Variants in RBFOX3 observed in about 807,000 individuals in gnomAD.
RBFOX3 encodes RNA binding fox-1 homolog 3, also known as RNA binding protein fox-1 homolog 3.
Under a neutral mutation model 48.7 loss-of-function variants are expected in RBFOX3, and 17 were observed. The ratio of observed to expected loss-of-function variants is 0.35; its 90% CI spans 0.24 to 0.52. RBFOX3 has a LOEUF of 0.52. RBFOX3 is among the 20% of genes least tolerant of loss of function. The pLI is 0.94. For missense variants in RBFOX3, 382 were observed against 497.5 expected (o/e 0.77, Z 2.21); for synonymous variants, 212 against 209.5 (o/e 1.01, Z -0.10).
chr17:79,391,483 T>C lies in RBFOX3; in HGVS notation c.-174-83659A>G, dbSNP rs1193389376. On this transcript the variant is annotated intron_variant, in intron 2 of 14. Transcript: ENST00000693108. The surrounding 1 kb of genome is among the most constrained non-coding windows in gnomAD (Gnocchi z 5.0). ...CATAACATCTTCCTGAATTATTATC[T>C]AAAATGTCAAGTTCATGACTTGTCC... is the stretch of plus-strand genomic sequence containing the variant. 6.6e-6 allele frequency among the ~76,000 whole-genome samples: 1 copy of C among 152,210 alleles called. No individual in the cohort carries two copies. Among genetic ancestry groups the C allele is most frequent in the Non-Finnish European group, 1.5e-5 (1 of 68,048 alleles).
intron 2 of RBFOX3, among the ~76,000 whole-genome samples, chr17:79,450,093 C>T (rs2073185234): frequency 6.6e-6 from 1 of 152,196 alleles, no homozygotes; most frequent in Non-Finnish European, 1.5e-5. Context: ...GACATACACA[C>T]ACACACATGC....
the RBFOX3 span, among the ~76,000 whole-genome samples, chr17:79,620,125 A>G: frequency 9.2e-4 from 135 of 146,948 alleles, no homozygotes; most frequent in East Asian, 0.015. Context: ...ATGCACACAT[A>G]CACACATGCA....
chr17:79,460,949 T>C (rs1003750439), intron 2 of RBFOX3, among the ~76,000 whole-genome samples: 1 of 152,194 alleles, frequency 6.6e-6, no homozygotes, highest in African/African-American at 2.4e-5. Context: ...TCTTTTTTTT[T>C]AAACCTCCAT....
chr17:79,291,832 G>A (rs981319391), intron 3 of RBFOX3, among the ~76,000 whole-genome samples: 4 of 152,194 alleles, frequency 2.6e-5, no homozygotes, highest in African/African-American at 7.2e-5. Flanking sequence ...GAGCAAGCAA[G>A]GGAACTACCT....
chr17:79,440,643 G>A (rs1046192388), intron 2 of RBFOX3, among the ~76,000 whole-genome samples: 1 of 152,146 alleles, frequency 6.6e-6, no homozygotes, highest in Admixed American at 6.5e-5. Flanking sequence ...TCTGGACCCC[G>A]GACCATGCCC....
upstream of RBFOX3, among the ~76,000 whole-genome samples, chr17:79,612,201 A>G (rs2093974469): frequency 6.6e-6 from 1 of 152,234 alleles, no homozygotes; most frequent in Non-Finnish European, 1.5e-5. Context: ...TGGTGCAGCA[A>G]CCAGGCTGGA....
At chr17:79,200,484 C>T (rs1044684848) in intron 4 of RBFOX3, among the ~76,000 whole-genome samples, 1 of 152,356 alleles carries the variant, frequency 6.6e-6, no homozygotes, top group Middle Eastern at 3.4e-3. Context: ...CAGGAGTGGC[C>T]TCAGCACAGA....
At chr17:79,119,478 A>G (rs1430972061) in intron 4 of RBFOX3, among the ~76,000 whole-genome samples, 1 of 152,054 alleles carries the variant, frequency 6.6e-6, no homozygotes, top group Admixed American at 6.6e-5. Context: ...AACCCACCAT[A>G]TGCACCTCCA....
At chr17:79,656,702 A>AG in the RBFOX3 span, among the ~76,000 whole-genome samples, 1 of 6,732 alleles carries the variant, frequency 1.5e-4, no homozygotes, top group African/African-American at 2.2e-4. Context: ...GGAAGGAAGG[A>AG]AGGAAGGAGA....
At chr17:79,514,898 G>T (rs1306179521) in intron 1 of RBFOX3, among the ~76,000 whole-genome samples, 2 of 152,208 alleles carry the variant, frequency 1.3e-5, no homozygotes, top group Admixed American at 6.5e-5. Flanking sequence ...GACTTGGTGG[G>T]ACAGGATGGG....
intron 9 of RBFOX3, chr17:79,100,402 A>T (rs2076195215): frequency 6.6e-6 from 1 of 152,222 alleles, no homozygotes; most frequent in Admixed American, 6.5e-5. Flanking sequence ...AGAATTTGAG[A>T]TGTGTAAGTC....
At chr17:79,341,569 G>A (rs1237387925) in intron 2 of RBFOX3, among the ~76,000 whole-genome samples, 1 of 152,118 alleles carries the variant, frequency 6.6e-6, no homozygotes, top group Non-Finnish European at 1.5e-5. Flanking sequence ...TGGGGCTGGG[G>A]CACGGCTGTC....
In RBFOX3 at chr17:79,106,743, A is replaced by C; in HGVS notation, c.268T>G (p.Ser90Ala). 2 of 1,522,556 alleles carry C rather than the reference A, an allele frequency of 1.3e-6. No homozygotes were observed. Among genetic ancestry groups the C allele is most frequent in the Non-Finnish European group, 1.8e-6 (2 of 1,135,724 alleles). 94.3% of individuals were successfully genotyped at this position (1,522,556 alleles called of 1,614,324 possible). ...AQTDSQPLHP[S>A]DPTEKQQPKR... is the part of the protein sequence containing the mutation. ...GGCTGCTGCTTCTCTGTAGGGTCGGAGGGGTGGAGCGGCTGGCTGTCCGTC... is the reference window on the plus strand; with the variant it reads ...GGCTGCTGCTTCTCTGTAGGGTCGGCGGGGTGGAGCGGCTGGCTGTCCGTC... Residue 90 changes from serine (S) to alanine (A), a missense_variant, in exon 6 of 15, where the codon TCC becomes GCC. By Grantham distance (99) the Ser-to-Ala change is moderately conservative (BLOSUM62 1). This residue lies in a region of RBFOX3 where 118 missense variants were observed against 132.1 expected (regional missense o/e 0.89). Coordinates refer to ENST00000693108, the MANE Select transcript of RBFOX3 (RefSeq NM_001350451.2).
rs1170439556 is a variant in RBFOX3 at position 79,311,121 on chromosome 17, GA to G, written c.-174-3298del. Among the ~76,000 whole-genome samples, 1 of 152,178 alleles carries G rather than the reference GA, an allele frequency of 6.6e-6. No individual in the cohort carries two copies. The highest frequency in any genetic ancestry group is 1.5e-5 in the Non-Finnish European group (1 of 68,024). ...ACAGCAAAAACTAAGGTTCCCTGGG[GA>G]AAACATTCTGCCTCAAGACCGCAGC... On this transcript the variant is annotated intron_variant, in intron 2 of 14. Coordinates refer to ENST00000693108, the MANE Select transcript of RBFOX3 (RefSeq NM_001350451.2). The surrounding 1 kb of genome is among the most constrained non-coding windows in gnomAD (Gnocchi z 4.2).
At chr17:79,490,774 G>A (rs992411842) in intron 1 of RBFOX3, among the ~76,000 whole-genome samples, 4 of 151,418 alleles carry the variant, frequency 2.6e-5, no homozygotes, top group East Asian at 2.0e-4. Context: ...CAGAGGCAGG[G>A]TATGGGCTCC....
rs141036628 is a variant in RBFOX3 at position 79,206,314 on chromosome 17, C to A, written c.-34+29452G>T. Among the ~76,000 whole-genome samples, 154 of 152,234 alleles carry A rather than the reference C, an allele frequency of 1.0e-3. 7 individuals carry two copies. In the South Asian group the frequency reaches 0.032, roughly 31 times the overall value. ...TAGCCTAACACTTCCAAAGGCTATC[C>A]GTTTTGAGTAGGTCCCAGAGCAAAC... On this transcript the variant is annotated intron_variant, in intron 4 of 14. Coordinates refer to ENST00000693108, the MANE Select transcript of RBFOX3 (RefSeq NM_001350451.2).
intron 2 of RBFOX3, among the ~76,000 whole-genome samples, chr17:79,308,553 T>C (rs2076390188): frequency 6.6e-6 from 1 of 152,204 alleles, no homozygotes; most frequent in African/African-American, 2.4e-5. Context: ...CCGATCTGTG[T>C]TGGCTGTGAG....
chr17:79,392,940 G>A lies in RBFOX3; in HGVS notation c.-174-85116C>T, dbSNP rs896692330. Among the ~76,000 whole-genome samples, 5 of 152,082 alleles carry A rather than the reference G, an allele frequency of 3.3e-5. No individual in the cohort carries two copies. The highest frequency in any genetic ancestry group is 1.2e-4 in the African/African-American group (5 of 41,380). The stretch of plus-strand genomic sequence containing the variant: ...TAAATAGGAATATTTATCAGTTAAC[G>A]AACACACATTTCCTTTCCCCAAACC... On this transcript the variant is annotated intron_variant, in intron 2 of 14. Coordinates refer to ENST00000693108, the MANE Select transcript of RBFOX3 (RefSeq NM_001350451.2). The surrounding 1 kb of genome is among the most constrained non-coding windows in gnomAD (Gnocchi z 5.0).
chr17:79,530,511 T>C (rs1241447539), intron 1 of RBFOX3, among the ~76,000 whole-genome samples: 3 of 152,056 alleles, frequency 2.0e-5, no homozygotes, highest in African/African-American at 4.8e-5. Flanking sequence ...GTAGTTTACT[T>C]TGAGGCCGTG....
Sources: gnomAD v4.1 joint callset for allele counts (sites outside exome capture counted in the v4.1 genomes callset) on GRCh38, gnomAD v4.1.1 for gene constraint, gnomAD v4.1.1 regional missense constraint, Gnocchi (gnomAD v3.1) non-coding constraint, MANE v1.5 for transcripts, NCBI Gene and HGNC (gene_info 2026-07-23, HGNC 2026-07-21) for gene names.